GPC6: variants seen among roughly 807,000 people sequenced by gnomAD.
The protein encoded by GPC6 is glypican 6, also known as glypican-6.
A neutral mutation model predicts 55.2 loss-of-function variants in GPC6; 14 were observed. That is an observed-to-expected ratio of 0.25 (90% CI 0.17 to 0.40). The LOEUF (loss-of-function observed/expected upper bound fraction) is 0.40, where lower values mean the gene tolerates loss of function less well. Among genes scored for constraint, GPC6 ranks in the 10% least tolerant of loss-of-function variants. The probability of loss-of-function intolerance (pLI) is 1.00; values close to 1 mark genes in which losing one functional copy is unlikely to be tolerated. For missense variants in GPC6, 641 were observed against 708.5 expected (o/e 0.90, Z 1.08); for synonymous variants, 278 against 259.6 (o/e 1.07, Z -0.68).
chr13:93,596,198 A>G (rs1003827330), intron 2 of GPC6, among the ~76,000 whole-genome samples: 1 of 152,158 alleles, frequency 6.6e-6, no homozygotes, highest in Non-Finnish European at 1.5e-5. Context: ...AAATGCCATG[A>G]TCCTTATTGA....
chr13:93,933,707 G>A (rs755717413), intron 3 of GPC6, among the ~76,000 whole-genome samples: 1 of 152,094 alleles, frequency 6.6e-6, no homozygotes, highest in Non-Finnish European at 1.5e-5. Context: ...TCAGCAAATA[G>A]TAATTAATTT....
intron 3 of GPC6, among the ~76,000 whole-genome samples, chr13:94,016,861 T>C (rs866342786): frequency 1.3e-5 from 2 of 151,094 alleles, no homozygotes; most frequent in Non-Finnish European, 3.0e-5. Context: ...TGAGATGGAG[T>C]TTCGCTCTTT....
At chr13:94,321,538 G>T (rs1876825291) in intron 6 of GPC6, among the ~76,000 whole-genome samples, 1 of 152,176 alleles carries the variant, frequency 6.6e-6, no homozygotes, top group Non-Finnish European at 1.5e-5. Flanking sequence ...CACCTGCAAT[G>T]TATTAACATC....
intron 3 of GPC6, among the ~76,000 whole-genome samples, chr13:93,883,825 A>G (rs1331688178): frequency 6.6e-6 from 1 of 152,138 alleles, no homozygotes; most frequent in Admixed American, 6.6e-5. Context: ...GAATAACTGA[A>G]TATCTAAATT....
At chr13:93,891,470 A>G (rs1319627904) in intron 3 of GPC6, among the ~76,000 whole-genome samples, 3 of 152,164 alleles carry the variant, frequency 2.0e-5, no homozygotes, top group African/African-American at 7.2e-5. Context: ...TCCATCAGAG[A>G]AAGATTTGCT....
intron 4 of GPC6, among the ~76,000 whole-genome samples, chr13:94,142,560 A>T (rs897238522): frequency 2.0e-5 from 3 of 152,184 alleles, no homozygotes; most frequent in Non-Finnish European, 2.9e-5. Context: ...AACCCAACTT[A>T]TATTTAAATG....
At chr13:93,606,863 A>G (rs1263488170) in intron 2 of GPC6, among the ~76,000 whole-genome samples, 1 of 152,216 alleles carries the variant, frequency 6.6e-6, no homozygotes, top group East Asian at 1.9e-4. Flanking sequence ...AATCCTCTAA[A>G]TGACCCATTT....
At chr13:93,231,427 A>G (rs1160853418) in intron 1 of GPC6, among the ~76,000 whole-genome samples, 10 of 87,052 alleles carry the variant, frequency 1.1e-4, no homozygotes, top group Non-Finnish European at 1.6e-4. Context: ...ATATATACGT[A>G]TATATATATA....
At chr13:94,399,228 T>C (rs532999152) in intron 8 of GPC6, among the ~76,000 whole-genome samples, 22 of 152,318 alleles carry the variant, frequency 1.4e-4, no homozygotes, top group African/African-American at 4.6e-4. Context: ...CATTTCCCTC[T>C]CTATCCAGCT....
intron 4 of GPC6, among the ~76,000 whole-genome samples, chr13:94,031,081 C>T (rs1433028004): frequency 3.4e-5 from 5 of 145,718 alleles, no homozygotes; most frequent in Non-Finnish European, 6.0e-5. Context: ...TGTGCGTGTG[C>T]GTGTGTGTGT....
At chr13:93,553,007 C>G (rs1264202983) in intron 2 of GPC6, among the ~76,000 whole-genome samples, 1 of 152,154 alleles carries the variant, frequency 6.6e-6, no homozygotes, top group East Asian at 1.9e-4. Context: ...ACATTTTTGT[C>G]TTCTGACTGG....
intron 1 of GPC6, among the ~76,000 whole-genome samples, chr13:93,450,956 A>G (rs1878203199): frequency 6.6e-6 from 1 of 152,326 alleles, no homozygotes; most frequent in Non-Finnish European, 1.5e-5. Flanking sequence ...TAGACCAGTG[A>G]AAAGGTTGTT....
chr13:93,675,852 AT>A (rs1197680040), intron 2 of GPC6, among the ~76,000 whole-genome samples: 5 of 152,000 alleles, frequency 3.3e-5, no homozygotes, highest in Non-Finnish European at 7.4e-5. Flanking sequence ...TAACTGTTTG[AT>A]TTTTTTGGAT....
At chr13:93,611,960 T>C (rs1213384418) in intron 2 of GPC6, among the ~76,000 whole-genome samples, 1 of 152,186 alleles carries the variant, frequency 6.6e-6, no homozygotes, top group East Asian at 1.9e-4. Context: ...AGTCATTGTC[T>C]TTAAAGGTGA....
At chr13:94,107,370 A>G (rs1594741315) in intron 4 of GPC6, among the ~76,000 whole-genome samples, 1 of 152,252 alleles carries the variant, frequency 6.6e-6, no homozygotes, top group East Asian at 1.9e-4. Flanking sequence ...CTTAAAGGGA[A>G]AATATTCTGT....
chr13:93,551,817 A>C (rs1289675645), intron 2 of GPC6, among the ~76,000 whole-genome samples: 2 of 152,140 alleles, frequency 1.3e-5, no homozygotes, highest in East Asian at 1.9e-4. Flanking sequence ...ATTCAAGAAA[A>C]ATACTTATTT....
At chr13:94,067,090 C>T (rs913557380) in intron 4 of GPC6, among the ~76,000 whole-genome samples, 1 of 152,100 alleles carries the variant, frequency 6.6e-6, no homozygotes, top group Admixed American at 6.6e-5. Flanking sequence ...GTCACTAGAC[C>T]TTCTTTGCGA....
At chr13:94,191,163 C>T (rs1306959405) in intron 4 of GPC6, among the ~76,000 whole-genome samples, 1 of 152,118 alleles carries the variant, frequency 6.6e-6, no homozygotes, top group Admixed American at 6.6e-5. Context: ...CATGTGGCAC[C>T]TAAGAAGCTC....
chr13:93,374,527 A>G (rs2139195531), intron 1 of GPC6, among the ~76,000 whole-genome samples: 1 of 152,300 alleles, frequency 6.6e-6, no homozygotes, highest in Admixed American at 6.5e-5. Flanking sequence ...TCATGGAAGG[A>G]AAAATAAGAA....
Sources: gnomAD v4.1 joint callset for allele counts (sites outside exome capture counted in the v4.1 genomes callset) on GRCh38, gnomAD v4.1.1 for gene constraint, MANE v1.5 for transcripts, NCBI Gene and HGNC (gene_info 2026-07-23, HGNC 2026-07-21) for gene names.